The following MB21D2 variants were observed in gnomAD, a reference collection of about 807,000 sequenced individuals.
MB21D2 encodes the protein nucleotidyltransferase MB21D2.
Under a neutral mutation model 33.3 loss-of-function variants are expected in MB21D2, and 9 were observed. That is an observed-to-expected ratio of 0.27 (90% CI 0.16 to 0.47). The LOEUF (loss-of-function observed/expected upper bound fraction) is 0.47. MB21D2 is among the 20% of genes least tolerant of loss of function. MB21D2 has a pLI of 0.99. For missense variants in MB21D2, 540 were observed against 624.6 expected (o/e 0.86, Z 1.44); for synonymous variants, 241 against 236.3 (o/e 1.02, Z -0.18).
intron 1 of MB21D2, among the ~76,000 whole-genome samples, chr3:192,873,694 TTTC>T (rs898294698): frequency 1.1e-3 from 163 of 152,194 alleles, no homozygotes; most frequent in African/African-American, 3.8e-3. Flanking sequence ...TCTTAGTGCA[TTTC>T]TTTTTTTGTT....
At chr3:192,917,476 A>G (rs1560261300) in intron 1 of MB21D2, among the ~76,000 whole-genome samples, 154 bp downstream of exon 1, 1 of 152,132 alleles carries the variant, frequency 6.6e-6, no homozygotes, top group Admixed American at 6.5e-5. Context: ...GCGGAGAAAG[A>G]AGAGAGAGGC....
chr3:192,899,033 A>G (rs1714037299), intron 1 of MB21D2, among the ~76,000 whole-genome samples: 1 of 152,236 alleles, frequency 6.6e-6, no homozygotes, highest in Non-Finnish European at 1.5e-5. Context: ...AGGCAACAGG[A>G]AAAAGAGCAC....
intron 1 of MB21D2, among the ~76,000 whole-genome samples, chr3:192,890,688 A>G (rs1713833778): frequency 6.6e-6 from 1 of 152,068 alleles, no homozygotes; most frequent in Non-Finnish European, 1.5e-5. Flanking sequence ...CCATGAAGCC[A>G]AGTGATTGTG....
chr3:192,827,083 A>G (rs1712190016), intron 1 of MB21D2, among the ~76,000 whole-genome samples: 1 of 151,946 alleles, frequency 6.6e-6, no homozygotes, highest in Non-Finnish European at 1.5e-5. Flanking sequence ...TTTTTAGTAG[A>G]GACGGGGTTT....
At chr3:192,878,081 C>CTTTTTTTTTTT (rs11294126) in intron 1 of MB21D2, among the ~76,000 whole-genome samples, 11 of 119,492 alleles carry the variant, frequency 9.2e-5, no homozygotes, top group Admixed American at 3.8e-4. Flanking sequence ...AATTCCTCCT[C>CTTTTTTTTTTT]TTTTTTTTTT....
At chr3:192,896,645 C>T (rs1046544229) in intron 1 of MB21D2, among the ~76,000 whole-genome samples, 2 of 152,234 alleles carry the variant, frequency 1.3e-5, no homozygotes, top group Non-Finnish European at 2.9e-5. Flanking sequence ...ATTTTGCCTA[C>T]AAAGACATTG....
intron 1 of MB21D2, among the ~76,000 whole-genome samples, chr3:192,839,917 C>G (rs1447176660): frequency 6.6e-6 from 1 of 152,156 alleles, no homozygotes; most frequent in African/African-American, 2.4e-5. Flanking sequence ...TCAAAAAATT[C>G]CGTTTTAGGG....
chr3:192,859,911 A>G (rs1358923450), intron 1 of MB21D2, among the ~76,000 whole-genome samples: 2 of 152,228 alleles, frequency 1.3e-5, no homozygotes, highest in African/African-American at 4.8e-5. Flanking sequence ...GAATAGCACC[A>G]ACGACAGGTT....
At chr3:192,897,907 A>G (rs759830751) in intron 1 of MB21D2, among the ~76,000 whole-genome samples, 3 of 152,080 alleles carry the variant, frequency 2.0e-5, no homozygotes, top group African/African-American at 7.2e-5. Context: ...ACTTGAGCCC[A>G]GGAGCTGTGA....
At chr3:192,886,381 A>G (rs780373427) in intron 1 of MB21D2, among the ~76,000 whole-genome samples, 3 of 152,060 alleles carry the variant, frequency 2.0e-5, no homozygotes, top group Non-Finnish European at 2.9e-5. Context: ...TACGTTGACT[A>G]GTTTTCTTAA....
At chr3:192,845,566 A>G (rs1000987951) in intron 1 of MB21D2, among the ~76,000 whole-genome samples, 1 of 152,252 alleles carries the variant, frequency 6.6e-6, no homozygotes, top group Non-Finnish European at 1.5e-5. Flanking sequence ...TCCTTAGCCC[A>G]TAATTCTCGC....
rs1326543013 is a variant in MB21D2, at chr3:192,797,746, T to C, written c.*640A>G. The C allele has an allele frequency of 6.6e-6, 1 of 152,628 alleles. No homozygotes were observed. The highest frequency in any genetic ancestry group is 1.5e-5 in the Non-Finnish European group (1 of 68,040). The allele number at this position is 152,628 out of a possible 1,614,324, so 9.5% of individuals were successfully genotyped here. On this transcript the variant is annotated 3_prime_UTR_variant, in exon 2 of 2. Transcript: ENST00000392452. ...GCTTGGAAAACTGTCAAAGACACCCTTCAAACCACCCAGTGTTCTCTGATT... is the reference window on the plus strand; with the variant it reads ...GCTTGGAAAACTGTCAAAGACACCCCTCAAACCACCCAGTGTTCTCTGATT...
chr3:192,824,264 G>C (rs1712120101), intron 1 of MB21D2, among the ~76,000 whole-genome samples: 1 of 152,058 alleles, frequency 6.6e-6, no homozygotes, highest in Non-Finnish European at 1.5e-5. Context: ...TGCTCAAGTA[G>C]GTTGGGAGAT....
At chr3:192,815,421 C>A (rs1711899550) in intron 1 of MB21D2, among the ~76,000 whole-genome samples, 1 of 152,166 alleles carries the variant, frequency 6.6e-6, no homozygotes, top group Non-Finnish European at 1.5e-5. Context: ...TGTCTCACCC[C>A]ACAAGGATGG....
chr3:192,869,365 A>G (rs13098119), intron 1 of MB21D2, among the ~76,000 whole-genome samples: 13 of 132,118 alleles, frequency 9.8e-5, no homozygotes, highest in African/African-American at 3.0e-4. Context: ...AAGGGAGGAA[A>G]GGAAGAAGGG....
At chr3:192,812,979 G>A (rs555808753) in intron 1 of MB21D2, among the ~76,000 whole-genome samples, 33 of 152,268 alleles carry the variant, frequency 2.2e-4, no homozygotes, top group African/African-American at 7.5e-4. Flanking sequence ...GTTTCTAGCT[G>A]GGCTTGGACG....
chr3:192,876,685 C>T (rs999748396), intron 1 of MB21D2, among the ~76,000 whole-genome samples: 37 of 152,218 alleles, frequency 2.4e-4, no homozygotes, highest in African/African-American at 8.4e-4. Flanking sequence ...CCTAGTTATA[C>T]TAAGCTTCCT....
At chr3:192,869,697 T>A (rs936531296) in intron 1 of MB21D2, among the ~76,000 whole-genome samples, 1 of 152,200 alleles carries the variant, frequency 6.6e-6, no homozygotes, top group African/African-American at 2.4e-5. Flanking sequence ...TGACCTCACC[T>A]TGCACTTGGG....
At chr3:192,867,332 T>C (rs1434033514) in intron 1 of MB21D2, among the ~76,000 whole-genome samples, 1 of 152,138 alleles carries the variant, frequency 6.6e-6, no homozygotes, top group Non-Finnish European at 1.5e-5. Context: ...TCATGGAGCC[T>C]GAGGCTGATA....
Sources: gnomAD v4.1 joint callset for allele counts (sites outside exome capture counted in the v4.1 genomes callset) on GRCh38, gnomAD v4.1.1 for gene constraint, MANE v1.5 for transcripts, NCBI Gene and HGNC (gene_info 2026-07-23, HGNC 2026-07-21) for gene names.